The following KCNAB1 variants were observed in gnomAD, a reference collection of about 807,000 sequenced individuals.
KCNAB1 encodes the protein potassium voltage-gated channel subfamily A regulatory beta subunit 1.
KCNAB1 carries 35 observed loss-of-function variants against 64.6 expected under a neutral mutation model. The ratio of observed to expected loss-of-function variants is 0.54; its 90% CI spans 0.41 to 0.72. The LOEUF is 0.72. Ranked by LOEUF, KCNAB1 falls within the 30% of genes least tolerant of loss-of-function variation. KCNAB1 has a pLI of 0.00. For missense variants in KCNAB1, 401 were observed against 512.9 expected, an observed-to-expected ratio of 0.78 and a Z score of 2.11; for synonymous variants, 177 against 183.8, an observed-to-expected ratio of 0.96 and a Z score of 0.30.
chr3:156,214,791 A>T (rs932931190), intron 1 of KCNAB1, among the ~76,000 whole-genome samples: 7 of 152,212 alleles, frequency 4.6e-5, no homozygotes, highest in African/African-American at 1.7e-4. Context: ...TGATCTAGTC[A>T]TGTCTTCCCA....
chr3:156,225,500 A>G (rs1716097015), intron 1 of KCNAB1, among the ~76,000 whole-genome samples: 1 of 152,212 alleles, frequency 6.6e-6, no homozygotes, highest in African/African-American at 2.4e-5. Context: ...ATTCCCCCTG[A>G]GAACTGGAAC....
At chr3:156,216,854 G>T (rs1715355554) in intron 1 of KCNAB1, 1 of 152,204 alleles carries the variant, frequency 6.6e-6, no homozygotes. Flanking sequence ...CAGAGTTTAA[G>T]CCCACATCTG....
At chr3:156,297,804 A>G (rs1720900557) in intron 1 of KCNAB1, among the ~76,000 whole-genome samples, 1 of 152,000 alleles carries the variant, frequency 6.6e-6, no homozygotes, top group Non-Finnish European at 1.5e-5. Flanking sequence ...GTGTGTGTGC[A>G]TGCAAGTCTC....
chr3:156,469,403 T>G (rs533716998), intron 7 of KCNAB1, among the ~76,000 whole-genome samples: 1 of 151,896 alleles, frequency 6.6e-6, no homozygotes, highest in Non-Finnish European at 1.5e-5. Context: ...ACTACAGTCA[T>G]GTGCCACCGT....
chr3:156,459,776 T>C, intron 4 of KCNAB1, 51 bp from the exon 5 acceptor site: 1 of 1,386,386 alleles, frequency 7.2e-7, no homozygotes, highest in South Asian at 1.2e-5. Flanking sequence ...GGATTGACTC[T>C]TGCTTTTCCA....
chr3:156,143,150 T>C (rs1353739558), intron 1 of KCNAB1: 1 of 1,558,250 alleles, frequency 6.4e-7, no homozygotes, highest in South Asian at 1.2e-5. Flanking sequence ...CACCGTGCAA[T>C]TAGCTTTGCT....
At chr3:156,332,950 T>A in intron 1 of KCNAB1, among the ~76,000 whole-genome samples, 1 of 152,202 alleles carries the variant, frequency 6.6e-6, no homozygotes, top group Non-Finnish European at 1.5e-5. Flanking sequence ...ATTATGTATC[T>A]TTTCCTTGAT....
intron 1 of KCNAB1, among the ~76,000 whole-genome samples, chr3:156,196,545 T>G (rs932091691): frequency 1.3e-5 from 2 of 152,216 alleles, no homozygotes; most frequent in Middle Eastern, 3.4e-3. Flanking sequence ...AGTTGTATTC[T>G]TAGGTATTTT....
intron 1 of KCNAB1, among the ~76,000 whole-genome samples, chr3:156,172,509 A>G (rs1712069048): frequency 6.6e-6 from 1 of 152,096 alleles, no homozygotes; most frequent in South Asian, 2.1e-4. Flanking sequence ...CAAACTCCTG[A>G]CCTTAAGCAA....
intron 1 of KCNAB1, among the ~76,000 whole-genome samples, chr3:156,223,099 G>A (rs191167727): frequency 6.6e-5 from 10 of 152,282 alleles, no homozygotes; most frequent in East Asian, 1.9e-4. Flanking sequence ...CAGTGTGTCC[G>A]GAGTTTGTTC....
At chr3:156,228,570 A>G (rs1006938126) in intron 1 of KCNAB1, among the ~76,000 whole-genome samples, 1 of 152,198 alleles carries the variant, frequency 6.6e-6, no homozygotes, top group Non-Finnish European at 1.5e-5. Context: ...AGACCGCTGC[A>G]GGTGTGCTAG....
chr3:156,164,802 A>T (rs1716274065), intron 1 of KCNAB1, among the ~76,000 whole-genome samples: 10 of 152,132 alleles, frequency 6.6e-5, no homozygotes, highest in Admixed American at 6.6e-4. Context: ...GCTTTATTTT[A>T]AGACACTCCA....
intron 1 of KCNAB1, among the ~76,000 whole-genome samples, chr3:156,146,031 G>A (rs892020932): frequency 7.2e-5 from 11 of 152,148 alleles, no homozygotes; most frequent in African/African-American, 2.2e-4. Context: ...TTGGTCAGAC[G>A]CCATTGCAGA....
chr3:156,241,380 GC>G (rs1343796059), intron 1 of KCNAB1, among the ~76,000 whole-genome samples: 1 of 152,090 alleles, frequency 6.6e-6, no homozygotes, highest in Non-Finnish European at 1.5e-5. Flanking sequence ...TTTTCTTAGA[GC>G]CATCCTTGGA....
intron 2 of KCNAB1, among the ~76,000 whole-genome samples, chr3:156,437,615 T>G (rs1576864639): frequency 6.6e-6 from 1 of 152,186 alleles, no homozygotes. Flanking sequence ...CTGCTGATAT[T>G]ATTTTTTTTT....
At chr3:156,419,222 G>C (rs1170625735) in intron 1 of KCNAB1, among the ~76,000 whole-genome samples, 10 of 152,194 alleles carry the variant, frequency 6.6e-5, no homozygotes, top group Non-Finnish European at 1.5e-5. Flanking sequence ...CTCTGAACTA[G>C]CGGGGCACGG....
chr3:156,507,809 C>T (rs1716926209), intron 8 of KCNAB1, among the ~76,000 whole-genome samples: 1 of 151,994 alleles, frequency 6.6e-6, no homozygotes, highest in Non-Finnish European at 1.5e-5. Flanking sequence ...TAGCCTCCAT[C>T]TTGATCCTTG....
At chr3:156,133,802 G>A (rs544718984) in intron 1 of KCNAB1, among the ~76,000 whole-genome samples, 1 of 152,304 alleles carries the variant, frequency 6.6e-6, no homozygotes, top group East Asian at 1.9e-4. Flanking sequence ...ACTTACACAA[G>A]AATGCATGGG....
At chr3:156,283,428 C>G (rs900674183) in intron 1 of KCNAB1, among the ~76,000 whole-genome samples, 1 of 149,822 alleles carries the variant, frequency 6.7e-6, no homozygotes, top group Admixed American at 6.6e-5. Flanking sequence ...TTTGGTGAAT[C>G]TGACAATTAT....
Sources: gnomAD v4.1 joint callset for allele counts (sites outside exome capture counted in the v4.1 genomes callset) on GRCh38, gnomAD v4.1.1 for gene constraint, MANE v1.5 for transcripts, NCBI Gene and HGNC (gene_info 2026-07-23, HGNC 2026-07-21) for gene names.